RASGRF1: variants seen among roughly 807,000 people sequenced by gnomAD.
RASGRF1 encodes Ras protein specific guanine nucleotide releasing factor 1.
Under a neutral mutation model 138.7 loss-of-function variants are expected in RASGRF1, and 40 were observed. The ratio of observed to expected loss-of-function variants is 0.29; its 90% CI spans 0.22 to 0.38. The LOEUF (loss-of-function observed/expected upper bound fraction) is 0.38. RASGRF1 is among the 10% of genes least tolerant of loss of function. The probability of loss-of-function intolerance (pLI) is 1.00; values close to 1 mark genes in which losing one functional copy is unlikely to be tolerated. For missense variants in RASGRF1, 1,108 were observed against 1,650.4 expected (o/e 0.67, Z 5.69); for synonymous variants, 614 against 663.2 (o/e 0.93, Z 1.14).
intron 12 of RASGRF1, among the ~76,000 whole-genome samples, chr15:79,017,017 C>T (rs2056888435): frequency 6.6e-6 from 1 of 152,216 alleles, no homozygotes; most frequent in South Asian, 2.1e-4. Context: ...TGGCACATCC[C>T]TGACCCATCA....
At chr15:79,063,662 T>G (rs1434866513) in intron 2 of RASGRF1, among the ~76,000 whole-genome samples, 1 of 152,166 alleles carries the variant, frequency 6.6e-6, no homozygotes, top group Non-Finnish European at 1.5e-5. Flanking sequence ...GGAGCTTCCA[T>G]TTTTTTAGGC....
At chr15:79,003,598 C>G (rs183076333) in intron 15 of RASGRF1, among the ~76,000 whole-genome samples, 1 of 152,236 alleles carries the variant, frequency 6.6e-6, no homozygotes, top group Non-Finnish European at 1.5e-5. Context: ...TGCCTCCCCC[C>G]GCAGCCTGGG....
intron 6 of RASGRF1, among the ~76,000 whole-genome samples, chr15:79,033,768 T>G (rs981811988): frequency 2.6e-5 from 4 of 151,660 alleles, no homozygotes; most frequent in African/African-American, 9.7e-5. Context: ...TTTTGTAATT[T>G]TAGTAGAGAC....
chr15:79,042,011 G>A (rs559200014), intron 5 of RASGRF1, among the ~76,000 whole-genome samples: 1 of 152,330 alleles, frequency 6.6e-6, no homozygotes, highest in East Asian at 1.9e-4. Flanking sequence ...AACACCTGTG[G>A]TTCCCTGCAC....
intron 5 of RASGRF1, among the ~76,000 whole-genome samples, chr15:79,036,035 T>C (rs1012939007): frequency 6.6e-6 from 1 of 152,062 alleles, no homozygotes; most frequent in Non-Finnish European, 1.5e-5. Flanking sequence ...CCCCAACCCG[T>C]TTTCCATCCA....
At chr15:79,072,559 G>A (rs911114535) in intron 1 of RASGRF1, among the ~76,000 whole-genome samples, 6 of 152,160 alleles carry the variant, frequency 3.9e-5, no homozygotes, top group African/African-American at 1.2e-4. Flanking sequence ...ACAGGCGTGA[G>A]CCACCGCGCC....
intron 26 of RASGRF1, among the ~76,000 whole-genome samples, chr15:78,969,102 G>A (rs2055700738): frequency 6.6e-6 from 1 of 152,072 alleles, no homozygotes; most frequent in African/African-American, 2.4e-5. Context: ...CATCAGGTTT[G>A]AATAAACCTA....
At position 78,985,026 on chromosome 15, in the gene RASGRF1, C is replaced by A. The variant is rs939783290; in HGVS notation, c.3395G>T (p.Trp1132Leu). 3 of 1,614,044 alleles carry A rather than the reference C, an allele frequency of 1.9e-6. No homozygotes were observed. Among genetic ancestry groups the A allele is most frequent in the East Asian group, 2.2e-5 (1 of 44,896 alleles). The stretch of plus-strand genomic sequence containing the variant: ...CCGCACCTGCTTAGAGACTTTGAGC[C>A]ACGTCTTTTTGAGCCGGAAGATTGC... ...RSAIFRLKKTWLKVSKQTKAL... is the reference protein window; with the variant it reads ...RSAIFRLKKTLLKVSKQTKAL... The change falls in exon 23 of 27, where the codon TGG (tryptophan) becomes TTG (leucine). Residue 1132 changes from tryptophan to leucine, a missense_variant. Transcript: ENST00000558480.
At chr15:78,996,257 A>G (rs11632109) in intron 19 of RASGRF1, among the ~76,000 whole-genome samples, 22,050 of 152,154 alleles carry the variant, frequency 0.14, 1,648 homozygotes, top group Admixed American at 0.16. Flanking sequence ...CAAGGATGGA[A>G]TTGGGAGAGC....
intron 14 of RASGRF1, 26 bp from the exon 15 acceptor site, chr15:79,004,201 G>T (rs760357082): frequency 1.0e-5 from 16 of 1,539,084 alleles, no homozygotes; most frequent in Non-Finnish European, 1.4e-5. Flanking sequence ...GGGTGAAAAT[G>T]ACAGTTAGCG....
intron 8 of RASGRF1, among the ~76,000 whole-genome samples, chr15:79,029,585 G>C (rs2057108974): frequency 6.6e-6 from 1 of 152,122 alleles, no homozygotes; most frequent in Admixed American, 6.5e-5. Flanking sequence ...TGATGATTTG[G>C]GTTATCAGCG....
At chr15:79,087,536 C>T (rs888188571) in intron 1 of RASGRF1, among the ~76,000 whole-genome samples, 5 of 152,224 alleles carry the variant, frequency 3.3e-5, no homozygotes, top group Non-Finnish European at 7.3e-5. Flanking sequence ...CAGATGGCTT[C>T]GTAGACGCCT....
intron 21 of RASGRF1, among the ~76,000 whole-genome samples, 177 bp from the exon 22 acceptor site, chr15:78,990,450 C>T (rs1278657405): frequency 1.3e-5 from 2 of 152,176 alleles, no homozygotes; most frequent in Non-Finnish European, 2.9e-5. Context: ...TCTGCCTTGT[C>T]GCAGCTGTGT....
chr15:79,019,841 T>G (rs2056933527), intron 11 of RASGRF1, among the ~76,000 whole-genome samples, 200 bp downstream of exon 11: 1 of 152,106 alleles, frequency 6.6e-6, no homozygotes. Context: ...CACACCTTAT[T>G]GGAAGTACAA....
chr15:79,024,787 T>TA (rs2140987886), intron 10 of RASGRF1, among the ~76,000 whole-genome samples: 1 of 152,310 alleles, frequency 6.6e-6, no homozygotes, highest in South Asian at 2.1e-4. Context: ...TTTTTCTTTG[T>TA]AAATTACCCA....
At chr15:79,031,066 A>G (rs1226388249) in intron 8 of RASGRF1, among the ~76,000 whole-genome samples, 1 of 152,198 alleles carries the variant, frequency 6.6e-6, no homozygotes, top group East Asian at 1.9e-4. Context: ...CTATGGCCAC[A>G]GGTTTTGACA....
At chr15:79,033,335 C>G (rs769989848) in intron 6 of RASGRF1, among the ~76,000 whole-genome samples, 3 of 152,030 alleles carry the variant, frequency 2.0e-5, no homozygotes, top group Non-Finnish European at 4.4e-5. Context: ...CTCTGCCTCC[C>G]GTGTTCAAGT....
rs1049254899 is a variant in RASGRF1, at chr15:79,082,452, C to T, written c.276+7771G>A. 3.9e-5 allele frequency among the ~76,000 whole-genome samples: 6 copies of T among 152,198 alleles called. No individual in the cohort carries two copies. In the East Asian group the frequency reaches 1.2e-3, roughly 29 times the overall value. On this transcript the variant is annotated intron_variant, in intron 1 of 26. Coordinates refer to ENST00000558480, the MANE Select transcript of RASGRF1 (RefSeq NM_001145648.3). ...CTGAGTGATCATCATGAGCAGTGGC[C>T]TCCTGCCAGCTGCATGGGACATAAA...
chr15:78,991,899 G>T, intron 20 of RASGRF1, 105 bp from the exon 21 acceptor site: 2 of 823,356 alleles, frequency 2.4e-6, no homozygotes, highest in East Asian at 2.5e-5. Flanking sequence ...AATTGGGTGG[G>T]CGGGTGGACG....
Sources: allele counts gnomAD v4.1 joint callset (sites outside exome capture counted in the v4.1 genomes callset), GRCh38; gene constraint gnomAD v4.1.1; transcripts MANE v1.5; gene names NCBI Gene and HGNC (gene_info 2026-07-23, HGNC 2026-07-21).